TRMT9B: variants seen among roughly 807,000 people sequenced by gnomAD.
The protein encoded by TRMT9B is tRNA methyltransferase 9B (putative), also known as probable tRNA methyltransferase 9B.
A neutral mutation model predicts 11.5 loss-of-function variants in TRMT9B; 16 were observed. The observed-to-expected ratio is 1.39, with a 90% CI of 0.94 to 2.11. The LOEUF (loss-of-function observed/expected upper bound fraction) is 2.11. Ranked by LOEUF, TRMT9B falls within the 30% of genes most tolerant of loss-of-function variation. The pLI, the probability that TRMT9B is intolerant of heterozygous loss-of-function variation, is 0.00. For missense variants in TRMT9B, 941 were observed against 553.8 expected (o/e 1.70, Z -7.02); for synonymous variants, 274 against 192.4 (o/e 1.42, Z -3.51).
chr8:13,029,101 C>G lies in TRMT9B; in HGVS notation c.*7057C>G, dbSNP rs1033220053. The G allele has an allele frequency of 3.0e-5, 5 of 166,612 alleles. No individual in the cohort carries two copies. The highest frequency in any genetic ancestry group is 1.2e-4 in the African/African-American group (5 of 41,370). The allele number at this position is 166,612 out of a possible 1,614,324, so 10.3% of individuals were successfully genotyped here. The stretch of plus-strand genomic sequence containing the variant: ...TCTAGTGTTTGCTGTCATTAGTGAC[C>G]AAGAAAAAGTAGTTCTTTTGTGCAC... On this transcript the variant is annotated 3_prime_UTR_variant, in exon 5 of 5. Coordinates refer to ENST00000524591, the MANE Select transcript of TRMT9B (RefSeq NM_020844.3).
At chr8:12,973,807 C>G (rs911294050) in intron 1 of TRMT9B, among the ~76,000 whole-genome samples, 2 of 152,106 alleles carry the variant, frequency 1.3e-5, no homozygotes, top group African/African-American at 4.8e-5. Context: ...ATGAGAACAG[C>G]CTTTAGTTCC....
chr8:13,011,935 T>G, intron 3 of TRMT9B: 4 of 985,398 alleles, frequency 4.1e-6, no homozygotes, highest in Non-Finnish European at 4.8e-6. Flanking sequence ...GACAGTTGTT[T>G]GTTTTGCAGT....
At chr8:12,946,862 A>G (rs530805553) in intron 1 of TRMT9B, among the ~76,000 whole-genome samples, 7 of 152,298 alleles carry the variant, frequency 4.6e-5, no homozygotes, top group Non-Finnish European at 8.8e-5. Flanking sequence ...CCTATTCCCA[A>G]TGCCAGGAAG....
chr8:12,977,483 A>T lies in TRMT9B; in HGVS notation c.-199-13351A>T, dbSNP rs1804635070. Reference sequence around the variant, plus strand: ...TTTGGGAGGCTGAGGTGGGTGGATCACGAGGTCGAGAAATCGAGACCATCC... The same window carrying T: ...TTTGGGAGGCTGAGGTGGGTGGATCTCGAGGTCGAGAAATCGAGACCATCC... On this transcript the variant is annotated intron_variant, in intron 1 of 4. Coordinates refer to ENST00000524591, the MANE Select transcript of TRMT9B (RefSeq NM_020844.3). 3.3e-5 allele frequency among the ~76,000 whole-genome samples: 5 copies of T among 152,102 alleles called. No homozygotes were observed. In the East Asian group the frequency reaches 5.8e-4, roughly 18 times the overall value.
chr8:13,021,640 T>G lies in TRMT9B; in HGVS notation c.961T>G (p.Leu321Val), dbSNP rs769492875. ...VFVESSSGKH[L>V]EWLRAPGTLK... is the part of the protein sequence containing the mutation. Reference sequence around the variant, plus strand: ...TGTGGAATCTTCTTCTGGAAAACACTTGGAGTGGCTGAGAGCACCAGGCAC... The same window carrying G: ...TGTGGAATCTTCTTCTGGAAAACACGTGGAGTGGCTGAGAGCACCAGGCAC... Residue 321 changes from leucine to valine, a missense_variant, in exon 5 of 5, where the codon TTG (leucine) becomes GTG (valine). Physicochemically the swap from Leu to Val is conservative, Grantham distance 32. Coordinates refer to ENST00000524591, the MANE Select transcript of TRMT9B (RefSeq NM_020844.3). 2 of 1,613,800 alleles carry G rather than the reference T, an allele frequency of 1.2e-6. No individual in the cohort carries two copies.
At chr8:12,994,685 C>CTT (rs199693070) in intron 2 of TRMT9B, among the ~76,000 whole-genome samples, 1 of 151,616 alleles carries the variant, frequency 6.6e-6, no homozygotes, top group African/African-American at 2.4e-5. Context: ...CGAACATTTT[C>CTT]TTTTTTTTTA....
chr8:13,021,917 A>T lies in TRMT9B; in HGVS notation c.1238A>T (p.His413Leu), dbSNP rs759794082. ...TCCACAGCCTTTATGCGCTACTACC[A>T]TGTGTTTCGAGAAGGGGAGCTCTGC... is the stretch of plus-strand genomic sequence containing the variant. The part of the protein sequence containing the change: ...LDSTAFMRYY[H>L]VFREGELCSL... Residue 413 changes from histidine (H) to leucine (L), a missense_variant, in exon 5 of 5, where the codon CAT becomes CTT. By Grantham distance (99) the His-to-Leu change is moderately conservative. Coordinates refer to ENST00000524591, the MANE Select transcript of TRMT9B (RefSeq NM_020844.3). The T allele has an allele frequency of 6.2e-7, 1 of 1,613,760 alleles. No homozygotes were observed. The highest frequency in any genetic ancestry group is 1.3e-5 in the African/African-American group (1 of 75,042).
intron 4 of TRMT9B, among the ~76,000 whole-genome samples, chr8:13,015,339 C>A (rs916816871): frequency 2.0e-5 from 3 of 151,958 alleles, no homozygotes; most frequent in East Asian, 1.9e-4. Context: ...GCCTCCCTAA[C>A]CTTCAGCATT....
intron 1 of TRMT9B, among the ~76,000 whole-genome samples, chr8:12,956,696 C>T (rs1801361028): frequency 1.3e-5 from 2 of 152,138 alleles, no homozygotes; most frequent in African/African-American, 4.8e-5. Flanking sequence ...CTGTGTTTTT[C>T]CCGAATCTTT....
chr8:12,972,582 C>T (rs1290772300), intron 1 of TRMT9B, among the ~76,000 whole-genome samples: 1 of 152,162 alleles, frequency 6.6e-6, no homozygotes, highest in Non-Finnish European at 1.5e-5. Context: ...TTCCAGGCTC[C>T]CTATGGTGTC....
At chr8:13,002,239 A>G (rs964812124) in intron 2 of TRMT9B, among the ~76,000 whole-genome samples, 25 of 152,232 alleles carry the variant, frequency 1.6e-4, no homozygotes, top group Non-Finnish European at 2.9e-5. Context: ...GCAATTTGCA[A>G]GGAACCCAGT....
intron 2 of TRMT9B, among the ~76,000 whole-genome samples, chr8:12,996,432 G>C (rs905433090): frequency 6.6e-6 from 1 of 152,160 alleles, no homozygotes; most frequent in African/African-American, 2.4e-5. Context: ...TATTTCTTCA[G>C]TTAGATTTCT....
chr8:12,975,128 G>A (rs1027382233), intron 1 of TRMT9B, among the ~76,000 whole-genome samples: 2 of 151,796 alleles, frequency 1.3e-5, no homozygotes, highest in Admixed American at 6.6e-5. Flanking sequence ...GCTGTTAATT[G>A]TCCAGAACAT....
intron 1 of TRMT9B, among the ~76,000 whole-genome samples, chr8:12,959,405 A>C (rs1035561462): frequency 6.6e-6 from 1 of 151,942 alleles, no homozygotes; most frequent in Non-Finnish European, 1.5e-5. Context: ...ATAAATCATA[A>C]ATGTATGTTG....
chr8:13,006,625 A>T, intron 3 of TRMT9B: 3 of 1,378,448 alleles, frequency 2.2e-6, no homozygotes, highest in South Asian at 4.0e-5. Flanking sequence ...GAAACTCGAG[A>T]CAGTCAAGTC....
intron 1 of TRMT9B, among the ~76,000 whole-genome samples, chr8:12,947,404 G>A (rs763315560): frequency 6.6e-6 from 1 of 152,214 alleles, no homozygotes; most frequent in Non-Finnish European, 1.5e-5. Context: ...TTGGAAAGGT[G>A]GAGAAAAGTG....
At chr8:12,947,793 AC>A (rs1384515979) in intron 1 of TRMT9B, among the ~76,000 whole-genome samples, 1 of 152,224 alleles carries the variant, frequency 6.6e-6, no homozygotes, top group Non-Finnish European at 1.5e-5. Flanking sequence ...TTGCTAGGCA[AC>A]AGCCTTGTAG....
chr8:13,016,818 A>G (rs1812798367), intron 4 of TRMT9B, among the ~76,000 whole-genome samples: 1 of 149,312 alleles, frequency 6.7e-6, no homozygotes, highest in African/African-American at 2.5e-5. Context: ...ACAACTGGAT[A>G]TGTTTATGTA....
At chr8:13,017,320 A>G (rs998285801) in intron 4 of TRMT9B, among the ~76,000 whole-genome samples, 15 of 152,242 alleles carry the variant, frequency 9.9e-5, no homozygotes, top group Admixed American at 2.0e-4. Context: ...GTAACTTCTC[A>G]TCTGAATCTG....
Sources: allele counts gnomAD v4.1 joint callset (sites outside exome capture counted in the v4.1 genomes callset), GRCh38; gene constraint gnomAD v4.1.1; transcripts MANE v1.5; gene names NCBI Gene and HGNC (gene_info 2026-07-23, HGNC 2026-07-21).